The following RAB18 variants were observed in gnomAD, a reference collection of about 807,000 sequenced individuals.
RAB18 encodes the protein RAB18, member RAS oncogene family, also known as ras-related protein Rab-18.
RAB18 carries 10 observed loss-of-function variants against 28.5 expected under a neutral mutation model. The observed-to-expected ratio is 0.35, with a 90% CI of 0.22 to 0.60. RAB18 has a LOEUF of 0.60. Ranked by LOEUF, RAB18 falls within the 20% of genes least tolerant of loss-of-function variation. The pLI is 0.78. For missense variants in RAB18, 188 were observed against 244.2 expected (o/e 0.77, Z 1.53); for synonymous variants, 93 against 86.9 (o/e 1.07, Z -0.39).
At chr10:27,505,962 C>G (rs372046343) in intron 1 of RAB18, among the ~76,000 whole-genome samples, 37 of 152,196 alleles carry the variant, frequency 2.4e-4, no homozygotes, top group African/African-American at 8.4e-4. Flanking sequence ...GTTAGCAAAC[C>G]AGCATGATTT....
Position 27,537,922 on chromosome 10 carries a change from A to G in RAB18, c.492A>G (p.Glu164=), listed in dbSNP as rs1413116898. 3 of 1,614,082 alleles carry G rather than the reference A, an allele frequency of 1.9e-6. No individual in the cohort carries two copies. Among genetic ancestry groups the G allele is most frequent in the Non-Finnish European group, 8.5e-7 (1 of 1,179,992 alleles). Residue 164 remains glutamate, a synonymous_variant, in exon 7 of 7, where the codon GAA becomes GAG. Coordinates refer to ENST00000356940, the MANE Select transcript of RAB18 (RefSeq NM_021252.5). ...ATGGTGTACAATGTGCCTTTGAAGA[A>G]CTTGTTGAAAAGATCATTCAGACCC... ...TCDGVQCAFE[E]LVEKIIQTPG...
Position 27,519,406 on chromosome 10 carries a change from C to T in RAB18, c.125-7422C>T, listed in dbSNP as rs559685695. On this transcript the variant is annotated intron_variant, in intron 2 of 6. Coordinates refer to ENST00000356940, the MANE Select transcript of RAB18 (RefSeq NM_021252.5). ...ATAAGAATATAAGCTCTCACCACTT[C>T]GGTTGTACTAGAAATTTTTAGCCAG... Among the ~76,000 whole-genome samples the T allele has an allele frequency of 1.6e-4, 25 of 152,064 alleles. No individual in the cohort carries two copies. In the South Asian group the frequency reaches 4.8e-3, roughly 29 times the overall value.
chr10:27,542,188 T>C lies in RAB18; in HGVS notation c.*4137T>C. On this transcript the variant is annotated 3_prime_UTR_variant, in exon 7 of 7. Transcript: ENST00000356940. ...AAATTGGACCTGAATTGAGATCTAT[T>C]TCTCAGCTTTCACTTATGTGAGCCA... The C allele has an allele frequency of 2.2e-6, 1 of 454,142 alleles. No homozygotes were observed. The highest frequency in any genetic ancestry group is 4.4e-6 in the Non-Finnish European group (1 of 226,790). 28.1% of individuals were successfully genotyped at this position (454,142 alleles called of 1,614,324 possible).
chr10:27,509,724 A>T (rs202228111), intron 1 of RAB18, 151 bp from the exon 2 acceptor site: 2 of 701,490 alleles, frequency 2.9e-6, no homozygotes, highest in African/African-American at 3.5e-5. Context: ...TTTTCTGTGT[A>T]TACCTGCTCT....
chr10:27,527,546 C>A (rs543859263), intron 3 of RAB18, among the ~76,000 whole-genome samples: 6 of 150,410 alleles, frequency 4.0e-5, no homozygotes, highest in African/African-American at 1.2e-4. Context: ...ACATACCGAT[C>A]TATCTATATC....
intron 1 of RAB18, chr10:27,504,685 C>G: frequency 1.4e-6 from 1 of 725,068 alleles, no homozygotes; most frequent in South Asian, 1.4e-5. Flanking sequence ...CCTGTAGCGC[C>G]GAGAAAACAC....
At chr10:27,531,510 T>C in intron 3 of RAB18, 1 of 1,540,832 alleles carries the variant, frequency 6.5e-7, no homozygotes, top group Non-Finnish European at 8.8e-7. Context: ...TACATGTTTT[T>C]ACTTTTACTT....
chr10:27,512,944 A>G (rs1834351580), intron 2 of RAB18, among the ~76,000 whole-genome samples: 1 of 151,700 alleles, frequency 6.6e-6, no homozygotes, highest in Non-Finnish European at 1.5e-5. Context: ...AATAGGCCCT[A>G]GATCTTGAAT....
intron 2 of RAB18, chr10:27,510,251 A>G (rs1834298784): frequency 8.3e-6 from 3 of 359,718 alleles, no homozygotes; most frequent in South Asian, 7.7e-5. Flanking sequence ...TTGAATACTT[A>G]TTGTATGCCA....
rs187788755 is a variant in RAB18 at position 27,535,900 on chromosome 10, G to A, written c.445+1906G>A. On this transcript the variant is annotated intron_variant, in intron 6 of 6. Transcript: ENST00000356940. ...AGGAGATCGAGACCATGGCTAACAC[G>A]GTGAAACCCCGTCTCTACTAAAAAT... 4.9e-4 allele frequency among the ~76,000 whole-genome samples: 74 copies of A among 152,168 alleles called. 1 individual carries two copies. In the East Asian group the frequency reaches 0.013, roughly 27 times the overall value.
chr10:27,540,704 G>A lies in RAB18; in HGVS notation c.*2653G>A. The A allele has an allele frequency of 2.2e-6, 1 of 454,012 alleles. No homozygotes were observed. The highest frequency in any genetic ancestry group is 4.4e-6 in the Non-Finnish European group (1 of 226,752). The allele number at this position is 454,012 out of a possible 1,614,324, so 28.1% of individuals were successfully genotyped here. On this transcript the variant is annotated 3_prime_UTR_variant, in exon 7 of 7. Coordinates refer to ENST00000356940, the MANE Select transcript of RAB18 (RefSeq NM_021252.5). ...CTTTTTATGTGAGAATAGAAATTAT[G>A]GAAACAGTAATTTGCTCAAAACTGA... is the stretch of plus-strand genomic sequence containing the variant.
At position 27,504,414 on chromosome 10, in the gene RAB18, C is replaced by T. The variant is rs1837747823; in HGVS notation, c.45C>T (p.Gly15=). Reference sequence around the variant, plus strand: ...CCACCCTGAAGATCCTCATCATCGGCGAGAGTGGGGTGGGCAAGTCCAGGT... The same window carrying T: ...CCACCCTGAAGATCCTCATCATCGGTGAGAGTGGGGTGGGCAAGTCCAGGT... The part of the protein sequence containing the change: ...VLTTLKILII[G]ESGVGKSSLL... Residue 15 remains glycine (G), a synonymous_variant, in exon 1 of 7, where the codon GGC becomes GGT. Transcript: ENST00000356940. 1.9e-6 allele frequency: 3 copies of T among 1,570,812 alleles called. No individual in the cohort carries two copies. The highest frequency in any genetic ancestry group is 2.6e-6 in the Non-Finnish European group (3 of 1,157,864).
rs1834970979 is a variant in RAB18, at chr10:27,539,285, AC to A, written c.*1235del. On this transcript the variant is annotated 3_prime_UTR_variant, in exon 7 of 7. Coordinates refer to ENST00000356940, the MANE Select transcript of RAB18 (RefSeq NM_021252.5). The stretch of plus-strand genomic sequence containing the variant: ...AGTTATTTGTCCTTTAAGGTTGGTT[AC>A]TATAATACCCCTCAGTAAGATTCCA... The A allele has an allele frequency of 3.4e-6, 1 of 295,098 alleles. No individual in the cohort carries two copies. Among genetic ancestry groups the A allele is most frequent in the African/African-American group, 2.2e-5 (1 of 44,814 alleles). 18.3% of individuals were successfully genotyped at this position (295,098 alleles called of 1,614,324 possible).
intron 3 of RAB18, among the ~76,000 whole-genome samples, chr10:27,527,994 A>G (rs1035750344): frequency 2.0e-5 from 3 of 152,136 alleles, no homozygotes; most frequent in Non-Finnish European, 2.9e-5. Context: ...GTCTAACAGA[A>G]AACAATTTGG....
At chr10:27,516,707 C>T (rs1029850808) in intron 2 of RAB18, among the ~76,000 whole-genome samples, 3 of 152,034 alleles carry the variant, frequency 2.0e-5, no homozygotes, top group African/African-American at 7.2e-5. Flanking sequence ...GTATATCAAC[C>T]ACAGATTTGA....
chr10:27,528,205 T>C (rs1589581542), intron 3 of RAB18: 1 of 416,872 alleles, frequency 2.4e-6, no homozygotes, highest in East Asian at 7.0e-5. Flanking sequence ...TTTTCTCTCA[T>C]AGTTTCGTTT....
intron 3 of RAB18, chr10:27,531,647 A>G (rs1156455717): frequency 1.3e-6 from 1 of 745,538 alleles, no homozygotes. Flanking sequence ...GTTTCAATAA[A>G]ACTTTATTTA....
rs368896781 is a variant in RAB18, at chr10:27,535,927, C to CA, written c.445+1939dup. Among the ~76,000 whole-genome samples the CA allele has an allele frequency of 7.8e-3, 1,179 of 151,958 alleles. 18 individuals are homozygous for CA. The highest frequency in any genetic ancestry group is 0.027 in the African/African-American group (1,114 of 41,364). On this transcript the variant is annotated intron_variant, in intron 6 of 6. Transcript: ENST00000356940. ...TGAAACCCCGTCTCTACTAAAAATA[C>CA]AAAAAATTCACCGGGCGTGGTGGCG...
rs746250477 is a variant in RAB18 at position 27,542,089 on chromosome 10, A to T, written c.*4038A>T. The T allele has an allele frequency of 2.0e-5, 9 of 453,894 alleles. No homozygotes were observed. Among genetic ancestry groups the T allele is most frequent in the Non-Finnish European group, 3.5e-5 (8 of 226,764 alleles). 28.1% of individuals were successfully genotyped at this position (453,894 alleles called of 1,614,324 possible). A position where few individuals can be genotyped will look rare whatever the true frequency, so the allele number is the denominator to read the frequency against. The stretch of plus-strand genomic sequence containing the variant: ...TGAACTTGCTGCAGCTCGTTTTTCT[A>T]ATATAAAGGAACCAGCCTGAGGCAG... On this transcript the variant is annotated 3_prime_UTR_variant, in exon 7 of 7. Transcript: ENST00000356940.
Sources: allele counts gnomAD v4.1 joint callset (sites outside exome capture counted in the v4.1 genomes callset), GRCh38; gene constraint gnomAD v4.1.1; transcripts MANE v1.5; gene names NCBI Gene and HGNC (gene_info 2026-07-23, HGNC 2026-07-21).